Variants in KIF13A observed in about 807,000 individuals in gnomAD.
KIF13A encodes kinesin family member 13A.
A neutral mutation model predicts 212.2 loss-of-function variants in KIF13A; 79 were observed. The observed-to-expected ratio is 0.37, with a 90% CI of 0.31 to 0.45. The LOEUF (loss-of-function observed/expected upper bound fraction) is 0.45, where lower values mean the gene tolerates loss of function less well. Ranked by LOEUF, KIF13A falls within the 20% of genes least tolerant of loss-of-function variation. The pLI, the probability that KIF13A is intolerant of heterozygous loss-of-function variation, is 1.00. For synonymous variants in KIF13A, 789 were observed against 808.6 expected (o/e 0.98, Z 0.41); for missense variants, 1,901 against 2,209.0 (o/e 0.86, Z 2.79).
intron 3 of KIF13A, among the ~76,000 whole-genome samples, chr6:17,891,657 C>T (rs994172983): frequency 5.9e-5 from 9 of 152,054 alleles, no homozygotes; most frequent in African/African-American, 1.9e-4. Context: ...ACTTGGGAGG[C>T]TGAGGCAGGA....
downstream of KIF13A, among the ~76,000 whole-genome samples, chr6:17,763,058 C>G (rs1379415510): frequency 6.6e-6 from 1 of 152,160 alleles, no homozygotes; most frequent in African/African-American, 2.4e-5. Flanking sequence ...GGGGACCAAA[C>G]AAATGAATGT....
chr6:17,856,553 C>T lies in KIF13A; in HGVS notation c.221-431G>A, dbSNP rs915597736. Among the ~76,000 whole-genome samples, 8 of 152,228 alleles carry T rather than the reference C, an allele frequency of 5.3e-5. No homozygotes were observed. The highest frequency in any genetic ancestry group is 1.9e-4 in the African/African-American group (8 of 41,462). On this transcript the variant is annotated intron_variant, in intron 4 of 38. Transcript: ENST00000259711. This position sits in a 1 kb window ranked among gnomAD's most constrained non-coding sequence, Gnocchi z 4.5. ...TCAGCACCTAGCTTGGTGTTTTGTA[C>T]ATGCCAAGTGCTAAAAACCGTTAGT... is the stretch of plus-strand genomic sequence containing the variant.
At chr6:17,913,493 T>G (rs1378450340) in intron 2 of KIF13A, among the ~76,000 whole-genome samples, 3 of 152,150 alleles carry the variant, frequency 2.0e-5, no homozygotes, top group Non-Finnish European at 4.4e-5. Flanking sequence ...TGGAAGAACT[T>G]CACCATTATT....
chr6:17,833,516 A>T (rs1765645374), intron 12 of KIF13A, among the ~76,000 whole-genome samples: 2 of 137,158 alleles, frequency 1.5e-5, no homozygotes, highest in African/African-American at 5.3e-5. Context: ...AAAAAAAAAA[A>T]AAAGTGATCT....
chr6:17,869,874 A>G (rs1232721666), intron 4 of KIF13A, among the ~76,000 whole-genome samples: 2 of 152,182 alleles, frequency 1.3e-5, no homozygotes, highest in African/African-American at 2.4e-5. Flanking sequence ...ATCAGTATCA[A>G]TGATGCCATT....
intron 2 of KIF13A, among the ~76,000 whole-genome samples, chr6:17,965,513 A>C (rs1779224808): frequency 6.6e-6 from 1 of 152,224 alleles, no homozygotes. Flanking sequence ...TCCTTACAAG[A>C]TTTCACATAG....
Position 17,918,885 on chromosome 6 carries a change from A to G in KIF13A, c.147-20705T>C, listed in dbSNP as rs923955261. Reference sequence around the variant, plus strand: ...ACCTTTCGCCATGTTAAACCATTTCATTATTTATTTGCTTATTATCCACAG... The same window carrying G: ...ACCTTTCGCCATGTTAAACCATTTCGTTATTTATTTGCTTATTATCCACAG... On this transcript the variant is annotated intron_variant, in intron 2 of 38. Coordinates refer to ENST00000259711, the MANE Select transcript of KIF13A (RefSeq NM_022113.6). This position sits in a 1 kb window ranked among gnomAD's most constrained non-coding sequence, Gnocchi z 4.8. 8.6e-5 allele frequency among the ~76,000 whole-genome samples: 13 copies of G among 151,974 alleles called. No homozygotes were observed. The highest frequency in any genetic ancestry group is 1.6e-4 in the Non-Finnish European group (11 of 68,006).
In KIF13A at chr6:17,858,097, GTGTGTGTGTGTGTGTGCATGCACGCA is replaced by G. The variant is rs1168751191; in HGVS notation, c.221-2001_221-1976del. Among the ~76,000 whole-genome samples, 38 of 133,856 alleles carry G rather than the reference GTGTGTGTGTGTGTGTGCATGCACGCA, an allele frequency of 2.8e-4. No individual in the cohort carries two copies. The East Asian group carries it at 4.2e-3, about 15-fold the overall frequency. The allele number at this position is 133,856 out of a possible 152,430, so 87.8% of individuals were successfully genotyped here. On this transcript the variant is annotated intron_variant, in intron 4 of 38. Transcript: ENST00000259711. ...CAAATAGTTATGTGTGTGTGTGTGT[GTGTGTGTGTGTGTGTGCATGCACGCA>G]TGTGTGTGTGTGTGTGTGAGAGAGA...
In KIF13A at chr6:17,915,738, G is replaced by A. The variant is rs888368947; in HGVS notation, c.147-17558C>T. 6.6e-6 allele frequency among the ~76,000 whole-genome samples: 1 copy of A among 152,012 alleles called. No individual in the cohort carries two copies. Among genetic ancestry groups the A allele is most frequent in the Non-Finnish European group, 1.5e-5 (1 of 68,006 alleles). The stretch of plus-strand genomic sequence containing the variant: ...GCACTTTGGGAGGCTAAGGCAGGTG[G>A]ATCACTTGAGTCCAGGAGCTTGAGA... On this transcript the variant is annotated intron_variant, in intron 2 of 38. Coordinates refer to ENST00000259711, the MANE Select transcript of KIF13A (RefSeq NM_022113.6). This position sits in a 1 kb window ranked among gnomAD's most constrained non-coding sequence, Gnocchi z 4.4.
At chr6:17,821,385 A>G (rs979565941) in intron 16 of KIF13A, among the ~76,000 whole-genome samples, 2 of 152,238 alleles carry the variant, frequency 1.3e-5, no homozygotes, top group Non-Finnish European at 2.9e-5. Flanking sequence ...AGGTGAATAT[A>G]TATCTGGAAG....
rs760392552 is a variant in KIF13A, at chr6:17,961,065, T to C, written c.146+25989A>G. Among the ~76,000 whole-genome samples the C allele has an allele frequency of 6.6e-6, 1 of 152,164 alleles. No individual in the cohort carries two copies. The highest frequency in any genetic ancestry group is 1.5e-5 in the Non-Finnish European group (1 of 68,030). Reference sequence around the variant, plus strand: ...AATATGGTTAAAATTATCTACATAATATTACAGGGGCTTAATGTTAAGCCA... The same window carrying C: ...AATATGGTTAAAATTATCTACATAACATTACAGGGGCTTAATGTTAAGCCA... On this transcript the variant is annotated intron_variant, in intron 2 of 38. Transcript: ENST00000259711. This position sits in a 1 kb window ranked among gnomAD's most constrained non-coding sequence, Gnocchi z 4.1.
At chr6:17,875,784 C>T (rs927462262) in intron 3 of KIF13A, among the ~76,000 whole-genome samples, 3 of 152,060 alleles carry the variant, frequency 2.0e-5, no homozygotes, top group African/African-American at 7.2e-5. Context: ...CCCATTACCA[C>T]CACTTGTGTT....
intron 2 of KIF13A, among the ~76,000 whole-genome samples, chr6:17,928,904 G>A (rs1775721305): frequency 6.6e-6 from 1 of 151,848 alleles, no homozygotes; most frequent in Admixed American, 6.6e-5. Flanking sequence ...TAATGGAAAT[G>A]TATATTTCCA....
chr6:17,983,726 G>A (rs887100127), intron 2 of KIF13A, among the ~76,000 whole-genome samples: 1 of 151,984 alleles, frequency 6.6e-6, no homozygotes, highest in Non-Finnish European at 1.5e-5. Context: ...GGCCTCAAGA[G>A]ATCCGCCCAC....
At chr6:17,845,234 C>A (rs1562047504) in intron 9 of KIF13A, among the ~76,000 whole-genome samples, 1 of 152,138 alleles carries the variant, frequency 6.6e-6, no homozygotes. Context: ...CAATTAACTT[C>A]CATTGAGTCC....
rs1177151683 is a variant in KIF13A at position 17,897,969 on chromosome 6, G to A, written c.159+199C>T. Among the ~76,000 whole-genome samples, 1 of 152,212 alleles carries A rather than the reference G, an allele frequency of 6.6e-6. No individual in the cohort carries two copies. The highest frequency in any genetic ancestry group is 2.4e-5 in the African/African-American group (1 of 41,454). The stretch of plus-strand genomic sequence containing the variant: ...ATTCATTCTGAGAATGAAATAATAT[G>A]TGAAAGTGCTCTGTCAATGTAGAGT... On this transcript the variant is annotated intron_variant, in intron 3 of 38. Transcript: ENST00000259711. This position sits in a 1 kb window ranked among gnomAD's most constrained non-coding sequence, Gnocchi z 4.8.
chr6:17,799,482 A>C lies in KIF13A; in HGVS notation c.2617-43T>G. Reference sequence around the variant, plus strand: ...ACAAATAAAACTCCAATGAACACTAAACATTCTTTCATTTCAGCTACCTCA... The same window carrying C: ...ACAAATAAAACTCCAATGAACACTACACATTCTTTCATTTCAGCTACCTCA... On this transcript the variant is annotated intron_variant, in intron 21 of 38. Coordinates refer to ENST00000259711, the MANE Select transcript of KIF13A (RefSeq NM_022113.6). The surrounding 1 kb of genome is among the most constrained non-coding windows in gnomAD (Gnocchi z 4.4). 5 of 1,409,210 alleles carry C rather than the reference A, an allele frequency of 3.5e-6. No individual in the cohort carries two copies. The highest frequency in any genetic ancestry group is 4.7e-6 in the Non-Finnish European group (5 of 1,056,236). 87.3% of individuals were successfully genotyped at this position (1,409,210 alleles called of 1,614,324 possible).
chr6:17,782,633 T>A (rs984717770), intron 29 of KIF13A, among the ~76,000 whole-genome samples: 21 of 150,002 alleles, frequency 1.4e-4, no homozygotes, highest in South Asian at 1.1e-3. Context: ...AGACTCTGTC[T>A]CAAAACAAAA....
Position 17,883,238 on chromosome 6 carries a change from T to G in KIF13A, c.160-9801A>C, listed in dbSNP as rs1771241156. Among the ~76,000 whole-genome samples, 1 of 152,056 alleles carries G rather than the reference T, an allele frequency of 6.6e-6. No individual in the cohort carries two copies. Among genetic ancestry groups the G allele is most frequent in the South Asian group, 2.1e-4 (1 of 4,824 alleles). ...GGCATGTGCCTATAGTCCCAGATAC[T>G]CAGGAGGCTGAAGCAAGAGGACTGC... On this transcript the variant is annotated intron_variant, in intron 3 of 38. Transcript: ENST00000259711. The surrounding 1 kb of genome is among the most constrained non-coding windows in gnomAD (Gnocchi z 4.8).
Sources: allele counts gnomAD v4.1 joint callset (sites outside exome capture counted in the v4.1 genomes callset), GRCh38; gene constraint gnomAD v4.1.1; non-coding constraint Gnocchi (gnomAD v3.1); transcripts MANE v1.5; gene names NCBI Gene and HGNC (gene_info 2026-07-23, HGNC 2026-07-21).